Variants in HAUS6 observed in about 807,000 individuals in gnomAD.
HAUS6 encodes HAUS augmin like complex subunit 6.
Under a neutral mutation model 106.8 loss-of-function variants are expected in HAUS6, and 80 were observed. That is an observed-to-expected ratio of 0.75 (90% CI 0.63 to 0.90). HAUS6 has a LOEUF of 0.90. HAUS6 is among the 40% of genes least tolerant of loss of function. HAUS6 has a pLI of 0.00. For missense variants in HAUS6, 1,155 were observed against 1,118.1 expected (o/e 1.03, Z -0.47); for synonymous variants, 356 against 379.1 (o/e 0.94, Z 0.71).
chr9:19,093,379 T>A, intron 3 of HAUS6, 76 bp from the exon 4 acceptor site: 1 of 1,289,154 alleles, frequency 7.8e-7, no homozygotes, highest in Non-Finnish European at 1.1e-6. Flanking sequence ...ACTATTTTTG[T>A]TAAAGGGTGT....
chr9:19,098,116 T>C (rs1257087130), intron 1 of HAUS6, among the ~76,000 whole-genome samples: 1 of 152,188 alleles, frequency 6.6e-6, no homozygotes, highest in Admixed American at 6.5e-5. Flanking sequence ...AATAAGATAT[T>C]TGTTGAAGAT....
Position 19,058,607 on chromosome 9 carries a change from A to G in HAUS6, c.2160T>C (p.Asn720=), listed in dbSNP as rs1478611830. Residue 720 remains asparagine (N), a synonymous_variant, in exon 16 of 17, where the codon AAT becomes AAC. Coordinates refer to ENST00000380502, the MANE Select transcript of HAUS6 (RefSeq NM_017645.5). ...CACTGCCACCCATCACATCTATCCTATTGCCGACAGCAGGGGAGAATGTCT... is the reference window on the plus strand; with the variant it reads ...CACTGCCACCCATCACATCTATCCTGTTGCCGACAGCAGGGGAGAATGTCT... ...RMETFSPAVG[N]RIDVMGGSEE... is the part of the protein sequence containing the mutation. 6 of 1,605,200 alleles carry G rather than the reference A, an allele frequency of 3.7e-6. No individual in the cohort carries two copies. The highest frequency in any genetic ancestry group is 1.1e-5 in the South Asian group (1 of 90,820).
In HAUS6 at chr9:19,058,085, T is replaced by C. The variant is rs781340051; in HGVS notation, c.2682A>G (p.Pro894=). 15 of 1,614,138 alleles carry C rather than the reference T, an allele frequency of 9.3e-6. No individual in the cohort carries two copies. In the South Asian group the frequency reaches 1.4e-4, roughly 15 times the overall value. The part of the protein sequence containing the change: ...TCDLHTEHIK[P]SLRTSIGERK... ...TTTCACCGATGGACGTGCGTAAAGA[T>C]GGCTTTATATGCTCAGTATGCAAAT... The change falls in exon 16 of 17, where the codon CCA becomes CCG. Residue 894 remains proline (P), a synonymous_variant. Coordinates refer to ENST00000380502, the MANE Select transcript of HAUS6 (RefSeq NM_017645.5).
chr9:19,053,357 T>C lies in HAUS6; in HGVS notation c.*2986A>G, dbSNP rs1384819216. 6.6e-6 allele frequency: 1 copy of C among 152,200 alleles called. No individual in the cohort carries two copies. Among genetic ancestry groups the C allele is most frequent in the Non-Finnish European group, 1.5e-5 (1 of 68,012 alleles). The allele number at this position is 152,200 out of a possible 1,614,324, so 9.4% of individuals were successfully genotyped here. ...GAAAACGTCATTAAACGTATTTTAA[T>C]TTTAGTACTCTCACAGTAGGAAGAT... On this transcript the variant is annotated 3_prime_UTR_variant, in exon 17 of 17. Coordinates refer to ENST00000380502, the MANE Select transcript of HAUS6 (RefSeq NM_017645.5).
chr9:19,058,172 T>C lies in HAUS6; in HGVS notation c.2595A>G (p.Glu865=), dbSNP rs750419675. 4 of 1,613,808 alleles carry C rather than the reference T, an allele frequency of 2.5e-6. No homozygotes were observed. The East Asian group carries it at 8.9e-5, about 36-fold the overall frequency. ...GTACATTTTGGGGAGTAGGGCTCAA[T>C]TCTGGTTTGTGTCTTTCGGGTGTTT... ...NSQTPERHKP[E]LSPTPQNVQT... Residue 865 remains glutamate, a synonymous_variant, in exon 16 of 17, where the codon GAA becomes GAG. Coordinates refer to ENST00000380502, the MANE Select transcript of HAUS6 (RefSeq NM_017645.5).
intron 3 of HAUS6, among the ~76,000 whole-genome samples, chr9:19,093,843 TG>T (rs1817806288): frequency 6.6e-6 from 1 of 152,162 alleles, no homozygotes; most frequent in Admixed American, 6.5e-5. Context: ...CACTCCAGCC[TG>T]GGTGACAGAA....
intron 12 of HAUS6, among the ~76,000 whole-genome samples, chr9:19,068,071 T>C (rs1160830361): frequency 6.6e-6 from 1 of 151,850 alleles, no homozygotes; most frequent in Non-Finnish European, 1.5e-5. Context: ...CTAGTATCCC[T>C]ATCAATCTTT....
At chr9:19,098,097 G>T (rs959889344) in intron 1 of HAUS6, among the ~76,000 whole-genome samples, 2 of 152,088 alleles carry the variant, frequency 1.3e-5, no homozygotes, top group Admixed American at 1.3e-4. Context: ...GACACTTATT[G>T]TAATTTGTAA....
At chr9:19,090,030 G>C (rs1043630331) in intron 4 of HAUS6, among the ~76,000 whole-genome samples, 8 of 151,724 alleles carry the variant, frequency 5.3e-5, no homozygotes, top group African/African-American at 1.9e-4. Context: ...GTAGAGACTG[G>C]GTCTGAAGGT....
chr9:19,102,657 C>T lies in HAUS6; in HGVS notation c.-6G>A. ...GTGACCGAGGCCGAGCTCATCCTCG[C>T]GGTAGGCACGGTGGCTGCAAAGAAA... On this transcript the variant is annotated 5_prime_UTR_variant, in exon 1 of 17. Coordinates refer to ENST00000380502, the MANE Select transcript of HAUS6 (RefSeq NM_017645.5). 6.2e-7 allele frequency: 1 copy of T among 1,609,706 alleles called. No individual in the cohort carries two copies. The highest frequency in any genetic ancestry group is 8.5e-7 in the Non-Finnish European group (1 of 1,177,858).
chr9:19,085,991 T>TA (rs3085526), intron 7 of HAUS6, among the ~76,000 whole-genome samples: 22,222 of 145,712 alleles, frequency 0.15, 1,886 homozygotes, highest in African/African-American at 0.26. Flanking sequence ...CTATGAGTTT[T>TA]AAAAAAAAAA....
chr9:19,090,422 T>C lies in HAUS6; in HGVS notation c.437-863A>G, dbSNP rs1385643577. The stretch of plus-strand genomic sequence containing the variant: ...CTCAGTCACCCAGGCTGAAATGCAG[T>C]GGCGTGATCTCGGCTCACTGCAACC... On this transcript the variant is annotated intron_variant, in intron 4 of 16. Coordinates refer to ENST00000380502, the MANE Select transcript of HAUS6 (RefSeq NM_017645.5). Among the ~76,000 whole-genome samples the C allele has an allele frequency of 1.3e-5, 2 of 152,208 alleles. 1 individual carries two copies. Among genetic ancestry groups the C allele is most frequent in the East Asian group, 3.8e-4 (2 of 5,196 alleles).
At position 19,058,901 on chromosome 9, in the gene HAUS6, T is replaced by C. The variant is rs1564006234; in HGVS notation, c.1866A>G (p.Pro622=). 4 of 1,585,050 alleles carry C rather than the reference T, an allele frequency of 2.5e-6. No individual in the cohort carries two copies. The highest frequency in any genetic ancestry group is 3.5e-6 in the Non-Finnish European group (4 of 1,153,352). The change falls in exon 16 of 17, where the codon CCA becomes CCG. Residue 622 remains proline, a synonymous_variant. Coordinates refer to ENST00000380502, the MANE Select transcript of HAUS6 (RefSeq NM_017645.5). ...GATTGTGCAACACAGGTAATGATTC[T>C]GGCAATACTTCTCTATGTTCAGCAT... is the stretch of plus-strand genomic sequence containing the variant. The part of the protein sequence containing the change: ...QMDAEHREVL[P]ESLPVLHNQR...
In HAUS6 at chr9:19,102,792, G is replaced by A; in HGVS notation, c.-141C>T. 1 of 781,140 alleles carries A rather than the reference G, an allele frequency of 1.3e-6. No homozygotes were observed. Among genetic ancestry groups the A allele is most frequent in the Non-Finnish European group, 2.0e-6 (1 of 506,540 alleles). 48.4% of individuals were successfully genotyped at this position (781,140 alleles called of 1,614,324 possible). On this transcript the variant is annotated 5_prime_UTR_variant, in exon 1 of 17. Coordinates refer to ENST00000380502, the MANE Select transcript of HAUS6 (RefSeq NM_017645.5). ...AACGCCTGCTCCTTTCACGCCCAGAGCGATTTCGCCTCAAAGGGCCTCACA... is the reference window on the plus strand; with the variant it reads ...AACGCCTGCTCCTTTCACGCCCAGAACGATTTCGCCTCAAAGGGCCTCACA...
intron 14 of HAUS6, among the ~76,000 whole-genome samples, chr9:19,061,324 T>G (rs901687504): frequency 6.6e-6 from 1 of 152,218 alleles, no homozygotes; most frequent in Non-Finnish European, 1.5e-5. Context: ...TTTCAGAGCT[T>G]CATGAAATTT....
At chr9:19,081,047 G>C (rs1242494531) in intron 8 of HAUS6, among the ~76,000 whole-genome samples, 1 of 151,916 alleles carries the variant, frequency 6.6e-6, no homozygotes, top group African/African-American at 2.4e-5. Context: ...ACTCCAGCCT[G>C]GGCAATAAGA....
intron 16 of HAUS6, 104 bp downstream of exon 16, chr9:19,057,857 A>C (rs1456937016): frequency 4.6e-6 from 3 of 646,380 alleles, no homozygotes; most frequent in Non-Finnish European, 8.1e-6. Context: ...AAGGGGGAGC[A>C]CATTAACAAT....
chr9:19,088,864 C>T (rs1021248370), intron 5 of HAUS6, among the ~76,000 whole-genome samples: 15 of 152,004 alleles, frequency 9.9e-5, no homozygotes, highest in Admixed American at 4.6e-4. Context: ...GGCAACACAG[C>T]GAGACTCCAT....
At chr9:19,059,963 C>T (rs1836572311) in intron 15 of HAUS6, 125 bp downstream of exon 15, 4 of 650,654 alleles carry the variant, frequency 6.1e-6, no homozygotes, top group South Asian at 2.3e-5. Context: ...ACACTTAGTA[C>T]GTCGATTACA....
Sources: gnomAD v4.1 joint callset for allele counts (sites outside exome capture counted in the v4.1 genomes callset) on GRCh38, gnomAD v4.1.1 for gene constraint, MANE v1.5 for transcripts, NCBI Gene and HGNC (gene_info 2026-07-23, HGNC 2026-07-21) for gene names.